Variants in FRMPD4 observed in about 807,000 individuals in gnomAD.
FRMPD4 encodes FERM and PDZ domain containing 4, also known as FERM and PDZ domain-containing protein 4.
Under a neutral mutation model 94.1 loss-of-function variants are expected in FRMPD4, and 22 were observed. The ratio of observed to expected loss-of-function variants is 0.23; its 90% CI spans 0.17 to 0.33. The LOEUF is 0.33. FRMPD4 is among the 10% of genes least tolerant of loss of function. The pLI is 1.00. For synonymous variants in FRMPD4, 631 were observed against 548.6 expected (o/e 1.15, Z -2.10); for missense variants, 1,111 against 1,339.9 (o/e 0.83, Z 2.67).
At chrX:12,097,255 G>C (rs1262849854) in intron 3 of FRMPD4, among the ~76,000 whole-genome samples, 1 of 111,808 alleles carries the variant, frequency 8.9e-6, no homozygotes. Context: ...TCTAACAGCA[G>C]ATCTCTCATT....
In FRMPD4 at chrX:11,874,371, A is replaced by T. The variant is rs184974308; in HGVS notation, c.-29-3524A>T. ...CACTTTGTTGGCCAGGCTGGTCTCG[A>T]ACTCCTGGGCTCAAGTGATCCTTCC... On this transcript the variant is annotated intron_variant, in intron 2 of 18. Transcript: ENST00000640291. Among the ~76,000 whole-genome samples, 567 of 111,914 alleles carry T rather than the reference A, an allele frequency of 5.1e-3. 3 individuals are homozygous for T. Among genetic ancestry groups the T allele is most frequent in the Non-Finnish European group, 7.9e-3 (422 of 53,131 alleles).
intron 2 of FRMPD4, among the ~76,000 whole-genome samples, chrX:12,596,628 T>C (rs1440107806): frequency 9.1e-6 from 1 of 110,293 alleles, no homozygotes; most frequent in Non-Finnish European, 1.9e-5. Flanking sequence ...GAGTGCACTC[T>C]TGAAATCACA....
chrX:12,557,116 G>C (rs2058603795), intron 2 of FRMPD4, among the ~76,000 whole-genome samples: 1 of 112,171 alleles, frequency 8.9e-6, no homozygotes, highest in Admixed American at 9.4e-5. Context: ...GGGCATATAA[G>C]TTTATTAATA....
At chrX:12,382,967 C>T (rs1195803940) in intron 1 of FRMPD4, among the ~76,000 whole-genome samples, 1 of 111,873 alleles carries the variant, frequency 8.9e-6, no homozygotes, top group East Asian at 2.8e-4. Flanking sequence ...GCTCCTAATT[C>T]ATCTTGTTTA....
chrX:12,621,954 GAGAAAGAAAGAAAGAGAA>G (rs2059293851), intron 4 of FRMPD4, among the ~76,000 whole-genome samples: 2 of 86,820 alleles, frequency 2.3e-5, no homozygotes, highest in African/African-American at 4.6e-5. Flanking sequence ...GAGAGAGAGA[GAGAAAGAAAGAAAGAGAA>G]AGAAAGAAAG....
intron 1 of FRMPD4, among the ~76,000 whole-genome samples, chrX:12,397,858 C>T (rs1264770127): frequency 7.2e-5 from 8 of 111,554 alleles, no homozygotes; most frequent in African/African-American, 9.8e-5. Flanking sequence ...GTAAACCACA[C>T]GAGGGCAAGG....
chrX:12,046,450 G>A (rs1206305524), intron 3 of FRMPD4, among the ~76,000 whole-genome samples: 2 of 110,474 alleles, frequency 1.8e-5, no homozygotes, highest in Non-Finnish European at 3.8e-5. Context: ...TGGAGGTAGT[G>A]TCAGATCCCC....
intron 1 of FRMPD4, among the ~76,000 whole-genome samples, chrX:11,834,656 G>A (rs1569106638): frequency 9.0e-6 from 1 of 111,491 alleles, no homozygotes; most frequent in Admixed American, 9.6e-5. Flanking sequence ...TAGGGTGTCT[G>A]TTTTTATCCA....
intron 3 of FRMPD4, among the ~76,000 whole-genome samples, chrX:11,945,014 T>C (rs758244709): frequency 8.9e-6 from 1 of 112,359 alleles, no homozygotes; most frequent in East Asian, 2.8e-4. Context: ...TGGGGAATTT[T>C]GAACACTCCT....
At chrX:12,622,018 G>GAAA (rs1326754371) in intron 4 of FRMPD4, among the ~76,000 whole-genome samples, 114 of 47,669 alleles carry the variant, frequency 2.4e-3, no homozygotes, top group Middle Eastern at 8.2e-3. Context: ...AAGAAAGAAA[G>GAAA]GAAGGAAGGA....
At chrX:11,993,098 A>G (rs2054474222) in intron 3 of FRMPD4, among the ~76,000 whole-genome samples, 1 of 109,884 alleles carries the variant, frequency 9.1e-6, no homozygotes, top group South Asian at 3.9e-4. Flanking sequence ...TTTACCAAAC[A>G]CCTTTTTAAC....
At chrX:12,119,800 G>A (rs756827742) in intron 3 of FRMPD4, among the ~76,000 whole-genome samples, 1 of 112,198 alleles carries the variant, frequency 8.9e-6, no homozygotes, top group Non-Finnish European at 1.9e-5. Flanking sequence ...AGCTATGTGC[G>A]GAGATATTCT....
rs1219142437 is a variant in FRMPD4, at chrX:12,718,209, G to C, written c.3383G>C (p.Gly1128Ala). 3 of 1,209,819 alleles carry C rather than the reference G, an allele frequency of 2.5e-6. No homozygotes were observed. Among genetic ancestry groups the C allele is most frequent in the African/African-American group, 1.7e-5 (1 of 57,227 alleles). ...GGTCTTGGGGCAAGGGAGGCCGAAG[G>C]GAAGGAAGAAGGAGCTCCTGATGGA... is the stretch of plus-strand genomic sequence containing the variant. ...ASGLGAREAE[G>A]KEEGAPDGET... The change falls in exon 16 of 17, where the codon GGG becomes GCG. Residue 1128 changes from glycine (G) to alanine (A), a missense_variant. Coordinates refer to ENST00000675598, the MANE Select transcript of FRMPD4 (RefSeq NM_001368397.1).
chrX:11,897,665 T>C (rs2053911658), intron 3 of FRMPD4, among the ~76,000 whole-genome samples: 1 of 112,517 alleles, frequency 8.9e-6, no homozygotes. Context: ...CTTTTATTCA[T>C]TCATTCAGTA....
chrX:12,558,185 C>A (rs1306580274), intron 2 of FRMPD4, among the ~76,000 whole-genome samples: 2 of 112,569 alleles, frequency 1.8e-5, no homozygotes, highest in Non-Finnish European at 3.7e-5. Context: ...GTAAGGCTAC[C>A]ATTTGCACAT....
chrX:12,150,551 T>C (rs1206551895), intron 1 of FRMPD4, among the ~76,000 whole-genome samples: 1 of 112,327 alleles, frequency 8.9e-6, no homozygotes, highest in Non-Finnish European at 1.9e-5. Context: ...GTAAAATAGA[T>C]ATAAAGTTTA....
intron 4 of FRMPD4, among the ~76,000 whole-genome samples, chrX:12,662,971 CAT>C (rs1319144754): frequency 6.2e-5 from 7 of 112,187 alleles, no homozygotes; most frequent in Admixed American, 3.8e-4. Flanking sequence ...AACTTTTTTT[CAT>C]ATGTTTGTTG....
At position 12,116,654 on chromosome X, in the gene FRMPD4, C is replaced by T. The variant is rs556192603; in HGVS notation, c.95+238636C>T. ...GAATGCATGCTATAGGGTGATGGAG[C>T]GTAATTTTCTCATGGGACTCAAGTT... is the stretch of plus-strand genomic sequence containing the variant. On this transcript the variant is annotated intron_variant, in intron 3 of 18. Transcript: ENST00000640291. Among the ~76,000 whole-genome samples the T allele has an allele frequency of 7.6e-3, 850 of 111,574 alleles. 6 individuals are homozygous for T. Among genetic ancestry groups the T allele is most frequent in the Non-Finnish European group, 0.012 (624 of 53,078 alleles).
chrX:12,262,081 C>A (rs1041886314), intron 1 of FRMPD4, among the ~76,000 whole-genome samples: 1 of 110,734 alleles, frequency 9.0e-6, no homozygotes, highest in Non-Finnish European at 1.9e-5. Context: ...GAAGCTAGCA[C>A]ACTCTAGCCC....
Sources: allele counts gnomAD v4.1 joint callset (sites outside exome capture counted in the v4.1 genomes callset), GRCh38; gene constraint gnomAD v4.1.1; transcripts MANE v1.5; gene names NCBI Gene and HGNC (gene_info 2026-07-23, HGNC 2026-07-21).